BRD2: variants seen among roughly 807,000 people sequenced by gnomAD.
BRD2 encodes bromodomain-containing protein 2.
BRD2 carries 15 observed loss-of-function variants against 79.1 expected under a neutral mutation model. That is an observed-to-expected ratio of 0.19 (90% CI 0.13 to 0.29). The LOEUF is 0.29. Ranked by LOEUF, BRD2 falls within the 10% of genes least tolerant of loss-of-function variation. BRD2 has a pLI of 1.00. For synonymous variants in BRD2, 488 were observed against 358.6 expected, an observed-to-expected ratio of 1.36 and a Z score of -4.08; for missense variants, 1,053 against 991.3, an observed-to-expected ratio of 1.06 and a Z score of -0.84.
rs864309591 is a variant in BRD2, at chr6:32,974,467, C to T, written c.35C>T (p.Pro12Leu). Residue 12 changes from proline to leucine, a missense_variant, in exon 3 of 13, where the codon CCT becomes CTT. By Grantham distance (98) the Pro-to-Leu change is moderately conservative. This residue lies in a region of BRD2 where 413 missense variants were observed against 335.1 expected (regional missense o/e 1.23). Coordinates refer to ENST00000374825, the MANE Select transcript of BRD2 (RefSeq NM_005104.4). Reference protein sequence around the residue: ...LQNVTPHNKLPGEGNAGLLGL... With the variant: ...LQNVTPHNKLLGEGNAGLLGL... ...TTTTGTTCCCATCTTTACAGGCTCC[C>T]TGGGGAAGGGAATGCAGGGTTGCTG... The T allele has an allele frequency of 5.0e-6, 8 of 1,608,676 alleles. No individual in the cohort carries two copies. The highest frequency in any genetic ancestry group is 2.2e-5 in the East Asian group (1 of 44,718).
intron 2 of BRD2, chr6:32,973,244 G>C: frequency 8.0e-7 from 1 of 1,252,478 alleles, no homozygotes. Context: ...CGTTTGGTGG[G>C]TCTGGTATCT....
intron 7 of BRD2, chr6:32,977,204 T>A: frequency 6.7e-7 from 1 of 1,490,742 alleles, no homozygotes. Flanking sequence ...AGTTATAGGG[T>A]GGAAAAACAG....
chr6:32,976,063 G>C lies in BRD2; in HGVS notation c.504G>C (p.Thr168=). 2 of 1,611,944 alleles carry C rather than the reference G, an allele frequency of 1.2e-6. No individual in the cohort carries two copies. Among genetic ancestry groups the C allele is most frequent in the Non-Finnish European group, 1.7e-6 (2 of 1,179,642 alleles). The change falls in exon 5 of 13, where the codon ACG becomes ACC. Residue 168 remains threonine, a synonymous_variant. Coordinates refer to ENST00000374825, the MANE Select transcript of BRD2 (RefSeq NM_005104.4). ...PTDDIVLMAQ[T]LEKIFLQKVA... ...ATGATATTGTCCTAATGGCACAAACGCTGGAAAAGATATTCCTACAGAAGG... is the reference window on the plus strand; with the variant it reads ...ATGATATTGTCCTAATGGCACAAACCCTGGAAAAGATATTCCTACAGAAGG...
At chr6:32,978,571 G>A in intron 10 of BRD2, 183 bp downstream of exon 10, 1 of 947,664 alleles carries the variant, frequency 1.1e-6, no homozygotes, top group Non-Finnish European at 1.5e-6. Context: ...ACCACAGACA[G>A]GGTTTGAGGG....
intron 10 of BRD2, chr6:32,978,627 T>C (rs888862861): frequency 1.3e-5 from 8 of 634,476 alleles, no homozygotes; most frequent in East Asian, 2.8e-5. Flanking sequence ...CATTGGGCCA[T>C]TGGATTCCCA....
rs922820561 is a variant in BRD2 at position 32,968,642 on chromosome 6, T to TG, written c.-1712dup. ...TGCTGAACTCGTATGGAGAGGCGAGTGGGGGGGACAGAGTCCAGGACTGCG... is the reference window on the plus strand; with the variant it reads ...TGCTGAACTCGTATGGAGAGGCGAGTGGGGGGGGACAGAGTCCAGGACTGCG... On this transcript the variant is annotated 5_prime_UTR_variant, in exon 1 of 13. The change abolishes the stop of an existing upstream ORF in the 5' untranslated region. Transcript: ENST00000374825. 8 of 151,836 alleles carry TG rather than the reference T, an allele frequency of 5.3e-5. No homozygotes were observed. Among genetic ancestry groups the TG allele is most frequent in the Non-Finnish European group, 7.3e-5 (5 of 68,338 alleles). The allele number at this position is 151,836 out of a possible 1,614,324, so 9.4% of individuals were successfully genotyped here. A position where few individuals can be genotyped will look rare whatever the true frequency, so the allele number is the denominator to read the frequency against.
At chr6:32,974,933 C>A in intron 3 of BRD2, 168 bp downstream of exon 3, 1 of 1,401,156 alleles carries the variant, frequency 7.1e-7, no homozygotes. Context: ...GTGATTGATC[C>A]GACCGCTTGC....
intron 10 of BRD2, 200 bp downstream of exon 10, chr6:32,978,588 T>C: frequency 1.2e-6 from 1 of 833,660 alleles, no homozygotes; most frequent in South Asian, 1.9e-5. Flanking sequence ...AGGGGATGGT[T>C]TTTGGGATGA....
Position 32,972,087 on chromosome 6 carries a change from AGC to A in BRD2, c.-800_-799del, listed in dbSNP as rs768253220. 328 of 657,150 alleles carry A rather than the reference AGC, an allele frequency of 5.0e-4. No homozygotes were observed. The highest frequency in any genetic ancestry group is 7.2e-4 in the Middle Eastern group (3 of 4,152). The allele number at this position is 657,150 out of a possible 1,614,324, so 40.7% of individuals were successfully genotyped here. On this transcript the variant is annotated 5_prime_UTR_variant, in exon 2 of 13. An upstream open reading frame in the 5' UTR loses its in-frame stop. Transcript: ENST00000374825. ...CTCAGCTTCTTCACCCGCGTGAGCG[AGC>A]GCGCGCGCGCGGAGGGGGTGGGGAA...
rs775944004 is a variant in BRD2 at position 32,979,825 on chromosome 6, T to C, written c.1842-3T>C. 71 of 1,610,518 alleles carry C rather than the reference T, an allele frequency of 4.4e-5. 1 individual carries two copies. In the South Asian group the frequency reaches 5.3e-4, roughly 12 times the overall value. ...TTTTGCTGACAACTCTTTTTGCCCTTAGGCTCCCCAAAAAGGCCACAAAGA... is the reference window on the plus strand; with the variant it reads ...TTTTGCTGACAACTCTTTTTGCCCTCAGGCTCCCCAAAAAGGCCACAAAGA... On this transcript the variant is annotated splice_region_variant and splice_polypyrimidine_tract_variant and intron_variant, in intron 10 of 12. Coordinates refer to ENST00000374825, the MANE Select transcript of BRD2 (RefSeq NM_005104.4).
At chr6:32,978,053 C>T (rs2066754) in intron 9 of BRD2, 48 bp downstream of exon 9, 16,591 of 1,592,576 alleles carry the variant, frequency 0.01, 151 homozygotes, top group South Asian at 0.031. Flanking sequence ...GGTTCATGCC[C>T]TTTGTCCTCA....
In BRD2 at chr6:32,980,620, G is replaced by A. The variant is rs2127528685; in HGVS notation, c.2308G>A (p.Ala770Thr). ...AGAGTCATCCTCTGCACAGCAAGTA[G>A]CAGTGTCACGCCTTAGCGCTTCCAG... ...KTESSSAQQV[A>T]VSRLSASSSS... Residue 770 changes from alanine to threonine, a missense_variant, in exon 13 of 13, where the codon GCA (alanine) becomes ACA (threonine). Around this residue, in one of 5 missense-constraint regions of BRD2, gnomAD observed 139 missense variants for 133.2 expected, o/e 1.04. Coordinates refer to ENST00000374825, the MANE Select transcript of BRD2 (RefSeq NM_005104.4). The A allele has an allele frequency of 2.5e-6, 4 of 1,613,164 alleles. No homozygotes were observed. The highest frequency in any genetic ancestry group is 3.4e-6 in the Non-Finnish European group (4 of 1,180,046).
chr6:32,971,418 C>G (rs1582878721), intron 1 of BRD2, among the ~76,000 whole-genome samples, 177 bp from the exon 2 acceptor site: 1 of 152,112 alleles, frequency 6.6e-6, no homozygotes, highest in African/African-American at 2.4e-5. Context: ...TTTTGCTCGT[C>G]TTTCCATCGT....
intron 3 of BRD2, 25 bp downstream of exon 3, chr6:32,974,790 G>GA (rs1442334016): frequency 1.2e-6 from 2 of 1,606,026 alleles, no homozygotes; most frequent in Admixed American, 1.7e-5. Flanking sequence ...TGGAGCCGGG[G>GA]AGGTGTGGGA....
chr6:32,971,292 TGTATTG>T, intron 1 of BRD2: 1 of 295,302 alleles, frequency 3.4e-6, no homozygotes. Flanking sequence ...CGAGCAGAAA[TGTATTG>T]GTAACTGTAG....
In BRD2 at chr6:32,971,889, G is replaced by A. The variant is rs1044559486; in HGVS notation, c.-1010G>A. ...ACCACCCTCTTTCCCTGGAGTCGGC[G>A]GACCACAGCTCAGCCAATTGGCTTG... On this transcript the variant is annotated 5_prime_UTR_variant, in exon 2 of 13. Transcript: ENST00000374825. 4.3e-6 allele frequency: 3 copies of A among 702,392 alleles called. No homozygotes were observed. The highest frequency in any genetic ancestry group is 3.5e-5 in the African/African-American group (2 of 57,184). 43.5% of individuals were successfully genotyped at this position (702,392 alleles called of 1,614,324 possible).
intron 3 of BRD2, 133 bp downstream of exon 3, chr6:32,974,898 A>G: frequency 7.2e-7 from 1 of 1,392,848 alleles, no homozygotes; most frequent in South Asian, 1.3e-5. Flanking sequence ...GTTAGCTACC[A>G]GATTTCTGGG....
rs1037162298 is a variant in BRD2 at position 32,973,257 on chromosome 6, C to T, written c.29+330C>T. The T allele has an allele frequency of 4.4e-6, 5 of 1,128,454 alleles. 1 individual carries two copies. Among genetic ancestry groups the T allele is most frequent in the Admixed American group, 2.4e-5 (1 of 42,486 alleles). The allele number at this position is 1,128,454 out of a possible 1,614,324, so 69.9% of individuals were successfully genotyped here. A position where few individuals can be genotyped will look rare whatever the true frequency, so the allele number is the denominator to read the frequency against. ...GGCGTTTGGTGGGTCTGGTATCTAG[C>T]GGCGGTCTGTTAGCCTTTTAGGGGG... is the stretch of plus-strand genomic sequence containing the variant. On this transcript the variant is annotated intron_variant, in intron 2 of 12. Coordinates refer to ENST00000374825, the MANE Select transcript of BRD2 (RefSeq NM_005104.4).
Position 32,980,691 on chromosome 6 carries a change from A to G in BRD2, c.2379A>G (p.Ser793=), listed in dbSNP as rs752984997. The G allele has an allele frequency of 4.3e-6, 7 of 1,613,062 alleles. No homozygotes were observed. Among genetic ancestry groups the G allele is most frequent in the South Asian group, 1.1e-5 (1 of 91,078 alleles). Residue 793 remains serine (S), a synonymous_variant, in exon 13 of 13, where the codon TCA becomes TCG. Coordinates refer to ENST00000374825, the MANE Select transcript of BRD2 (RefSeq NM_005104.4). ...CCTCCTCTTCCTCGTCGTCGTCTTC[A>G]GACACCAGTGATTCAGACTCAGGCT... ...SSSSSSSSSS[S]DTSDSDSG
Sources: gnomAD v4.1 joint callset for allele counts (sites outside exome capture counted in the v4.1 genomes callset) on GRCh38, gnomAD v4.1.1 for gene constraint, gnomAD v4.1.1 regional missense constraint, MANE v1.5 for transcripts, NCBI Gene and HGNC (gene_info 2026-07-23, HGNC 2026-07-21) for gene names.